The following SLC25A26 variants were observed in gnomAD, a reference collection of about 807,000 sequenced individuals.
The protein encoded by SLC25A26 is solute carrier family 25 member 26.
A neutral mutation model predicts 37.8 loss-of-function variants in SLC25A26; 36 were observed. That is an observed-to-expected ratio of 0.95 (90% CI 0.73 to 1.26). The LOEUF (loss-of-function observed/expected upper bound fraction) is 1.26. SLC25A26 is among the 50% of genes most tolerant of loss of function. The probability of loss-of-function intolerance (pLI) is 0.00; values close to 1 mark genes in which losing one functional copy is unlikely to be tolerated. For missense variants in SLC25A26, 390 were observed against 331.1 expected (o/e 1.18, Z -1.38); for synonymous variants, 129 against 122.5 (o/e 1.05, Z -0.35).
At chr3:66,317,259 T>G (rs1259121234) in intron 5 of SLC25A26, among the ~76,000 whole-genome samples, 1 of 152,230 alleles carries the variant, frequency 6.6e-6, no homozygotes, top group Non-Finnish European at 1.5e-5. Context: ...CCTTTGATTT[T>G]GAGGCTGCTG....
intron 1 of SLC25A26, among the ~76,000 whole-genome samples, chr3:66,222,204 A>G (rs2071528981): frequency 6.7e-6 from 1 of 149,646 alleles, no homozygotes; most frequent in Non-Finnish European, 1.5e-5. Flanking sequence ...TTTTTTGAGA[A>G]GGAGTCTCAC....
In SLC25A26 at chr3:66,353,338, T is replaced by C. The variant is rs140253481; in HGVS notation, c.498+6930T>C. 5.1e-3 allele frequency among the ~76,000 whole-genome samples: 779 copies of C among 152,312 alleles called. 13 individuals carry two copies. The highest frequency in any genetic ancestry group is 0.014 in the African/African-American group (572 of 41,568). On this transcript the variant is annotated intron_variant, in intron 6 of 9. Transcript: ENST00000354883. ...CCCACACATCTCCTGTTCATCTTCA[T>C]GACAGTCCTGTGAAGTAGGTGCTGG... is the stretch of plus-strand genomic sequence containing the variant.
intron 1 of SLC25A26, among the ~76,000 whole-genome samples, chr3:66,185,269 A>G (rs1297073965): frequency 6.6e-6 from 1 of 152,206 alleles, no homozygotes; most frequent in Non-Finnish European, 1.5e-5. Flanking sequence ...TCATCCATGT[A>G]GTAGCATGTG....
chr3:66,329,383 T>C (rs1027971737), intron 5 of SLC25A26, among the ~76,000 whole-genome samples: 5 of 152,212 alleles, frequency 3.3e-5, no homozygotes, highest in African/African-American at 9.6e-5. Context: ...ATTTTATGCT[T>C]GTAAGTGGTA....
chr3:66,282,271 A>G (rs1316251380), intron 5 of SLC25A26, among the ~76,000 whole-genome samples: 3 of 150,936 alleles, frequency 2.0e-5, no homozygotes, highest in Non-Finnish European at 3.0e-5. Flanking sequence ...TCGGCCTCCC[A>G]AAGTGCTGGG....
At chr3:66,278,928 G>C (rs930070199) in intron 5 of SLC25A26, among the ~76,000 whole-genome samples, 4 of 152,066 alleles carry the variant, frequency 2.6e-5, no homozygotes, top group African/African-American at 9.7e-5. Context: ...GAGTACCGGT[G>C]AACTAGTGTT....
chr3:66,155,382 G>A (rs911328407), intron 1 of SLC25A26, among the ~76,000 whole-genome samples: 2 of 152,208 alleles, frequency 1.3e-5, no homozygotes, highest in South Asian at 2.1e-4. Flanking sequence ...ATGTGGTGGT[G>A]TGTGCCTGTA....
rs565759257 is a variant in SLC25A26, at chr3:66,375,365, A to G, written c.708-2325A>G. Among the ~76,000 whole-genome samples, 108 of 152,380 alleles carry G rather than the reference A, an allele frequency of 7.1e-4. 2 individuals carry two copies. In the South Asian group the frequency reaches 0.022, roughly 31 times the overall value. On this transcript the variant is annotated intron_variant, in intron 9 of 9. Transcript: ENST00000354883. The stretch of plus-strand genomic sequence containing the variant: ...ATCGATGAAGGCACTAACACTAAAC[A>G]ACAGATTTTCAGGGTAGATGAAACA...
At chr3:66,273,100 G>A (rs1292583186) in intron 5 of SLC25A26, among the ~76,000 whole-genome samples, 1 of 152,080 alleles carries the variant, frequency 6.6e-6, no homozygotes, top group African/African-American at 2.4e-5. Flanking sequence ...TACATTTATT[G>A]ATTTGTGTAT....
chr3:66,234,286 A>G (rs2072171207), intron 1 of SLC25A26, among the ~76,000 whole-genome samples: 1 of 152,194 alleles, frequency 6.6e-6, no homozygotes, highest in East Asian at 1.9e-4. Context: ...AAAAATCCTG[A>G]AACAAGAATT....
intron 5 of SLC25A26, among the ~76,000 whole-genome samples, chr3:66,267,001 A>G (rs1409729388): frequency 2.0e-5 from 3 of 152,274 alleles, no homozygotes; most frequent in East Asian, 1.9e-4. Flanking sequence ...TTTGTCCACA[A>G]ATTTCACTCA....
At chr3:66,151,112 T>C (rs2070201942) in intron 1 of SLC25A26, among the ~76,000 whole-genome samples, 1 of 152,160 alleles carries the variant, frequency 6.6e-6, no homozygotes, top group Non-Finnish European at 1.5e-5. Flanking sequence ...ACCCAACACA[T>C]ATTTTTTCAC....
intron 7 of SLC25A26, among the ~76,000 whole-genome samples, chr3:66,368,380 A>G (rs2076871375): frequency 6.6e-6 from 1 of 152,212 alleles, no homozygotes; most frequent in South Asian, 2.1e-4. Flanking sequence ...AACTTGGTTT[A>G]TGTTAAAACA....
At chr3:66,368,015 C>T (rs1196977649) in intron 7 of SLC25A26, among the ~76,000 whole-genome samples, 1 of 152,072 alleles carries the variant, frequency 6.6e-6, no homozygotes. Context: ...AGAAATGGAC[C>T]ATGAGGGCAT....
At chr3:66,203,768 A>G (rs1370103453) in intron 1 of SLC25A26, among the ~76,000 whole-genome samples, 3 of 152,254 alleles carry the variant, frequency 2.0e-5, no homozygotes, top group Non-Finnish European at 4.4e-5. Context: ...CAACAATTCT[A>G]CAATGAATTG....
chr3:66,269,408 C>G (rs951256526), intron 5 of SLC25A26, among the ~76,000 whole-genome samples: 1 of 152,150 alleles, frequency 6.6e-6, no homozygotes, highest in Non-Finnish European at 1.5e-5. Context: ...TGAGAGACAT[C>G]TTTATAATAG....
intron 7 of SLC25A26, among the ~76,000 whole-genome samples, chr3:66,364,753 TTGAG>T (rs1290354719): frequency 6.6e-6 from 1 of 152,238 alleles, no homozygotes; most frequent in African/African-American, 2.4e-5. Flanking sequence ...ATCTTCTTGA[TTGAG>T]TGAAGGAATG....
intron 2 of SLC25A26, among the ~76,000 whole-genome samples, chr3:66,240,162 C>T (rs562790423): frequency 2.0e-5 from 3 of 152,212 alleles, no homozygotes; most frequent in South Asian, 2.1e-4. Context: ...ATTAGTGTCA[C>T]GTGGCATTTT....
intron 1 of SLC25A26, among the ~76,000 whole-genome samples, chr3:66,221,708 G>A (rs891940809): frequency 2.0e-5 from 3 of 151,406 alleles, no homozygotes; most frequent in South Asian, 2.1e-4. Flanking sequence ...ATTTAATTCC[G>A]TAGCAGAAAA....
Sources: allele counts gnomAD v4.1 joint callset (sites outside exome capture counted in the v4.1 genomes callset), GRCh38; gene constraint gnomAD v4.1.1; transcripts MANE v1.5; gene names NCBI Gene and HGNC (gene_info 2026-07-23, HGNC 2026-07-21).